Variants in NPAS3 observed in about 807,000 individuals in gnomAD.
The protein encoded by NPAS3 is neuronal PAS domain protein 3, also known as neuronal PAS domain-containing protein 3.
In NPAS3, 14 loss-of-function variants were observed where a neutral mutation model predicts 73.1. That is an observed-to-expected ratio of 0.19 (90% CI 0.13 to 0.30). The LOEUF is 0.30. NPAS3 is among the 10% of genes least tolerant of loss of function. The pLI, the probability that NPAS3 is intolerant of heterozygous loss-of-function variation, is 1.00. For missense variants in NPAS3, 1,096 were observed against 1,250.0 expected, an observed-to-expected ratio of 0.88 and a Z score of 1.86; for synonymous variants, 620 against 541.5, an observed-to-expected ratio of 1.14 and a Z score of -2.01.
intron 5 of NPAS3, among the ~76,000 whole-genome samples, chr14:33,604,666 G>A (rs148604497): frequency 5.3e-4 from 80 of 152,128 alleles, no homozygotes; most frequent in African/African-American, 1.9e-3. Flanking sequence ...CTTCTCAAGT[G>A]CACATAAAAC....
At chr14:33,323,029 A>G (rs2043526862) in intron 3 of NPAS3, among the ~76,000 whole-genome samples, 1 of 152,186 alleles carries the variant, frequency 6.6e-6, no homozygotes, top group Non-Finnish European at 1.5e-5. Flanking sequence ...TCTCTCTACT[A>G]AGACATAGCT....
In NPAS3 at chr14:33,533,380, A is replaced by C. The variant is rs184910075; in HGVS notation, c.469-26741A>C. The stretch of plus-strand genomic sequence containing the variant: ...TGTCACCAAAGAAATAGAAATGACC[A>C]AACAATACATGAAAAGACTTTAAAT... On this transcript the variant is annotated intron_variant, in intron 4 of 11. Transcript: ENST00000356141. Among the ~76,000 whole-genome samples the C allele has an allele frequency of 3.3e-5, 5 of 152,316 alleles. No individual in the cohort carries two copies. In the East Asian group the frequency reaches 9.6e-4, roughly 29 times the overall value.
At chr14:33,029,434 T>C (rs991092237) in intron 1 of NPAS3, among the ~76,000 whole-genome samples, 6 of 152,072 alleles carry the variant, frequency 3.9e-5, no homozygotes, top group Non-Finnish European at 8.8e-5. Context: ...GTAGCATAGG[T>C]TTCAGTTTCT....
chr14:33,556,561 ATAAG>A (rs1391373659), intron 4 of NPAS3, among the ~76,000 whole-genome samples: 1 of 152,250 alleles, frequency 6.6e-6, no homozygotes, highest in East Asian at 1.9e-4. Context: ...AGAAAGATAA[ATAAG>A]GCATTGCCTC....
In NPAS3 at chr14:32,966,686, C is replaced by G. The variant is rs1192631244; in HGVS notation, c.50+27320C>G. On this transcript the variant is annotated intron_variant, in intron 1 of 11. Transcript: ENST00000356141. ...TGGGGAGGCTGAGGCAGGAGAATGGCGTGAACCCGGGAAGCGGAGCTTGCA... is the reference window on the plus strand; with the variant it reads ...TGGGGAGGCTGAGGCAGGAGAATGGGGTGAACCCGGGAAGCGGAGCTTGCA... Among the ~76,000 whole-genome samples the G allele has an allele frequency of 4.3e-4, 36 of 83,432 alleles. 6 individuals carry two copies. Among genetic ancestry groups the G allele is most frequent in the Middle Eastern group, 5.9e-3 (1 of 170 alleles). The allele number at this position is 83,432 out of a possible 152,430, so 54.7% of individuals were successfully genotyped here.
At chr14:33,007,132 T>A (rs2039027748) in intron 1 of NPAS3, among the ~76,000 whole-genome samples, 1 of 152,198 alleles carries the variant, frequency 6.6e-6, no homozygotes, top group African/African-American at 2.4e-5. Context: ...AAGTGTTAAT[T>A]TAAATAAATG....
At chr14:33,279,683 T>G (rs2041504223) in intron 3 of NPAS3, among the ~76,000 whole-genome samples, 1 of 152,144 alleles carries the variant, frequency 6.6e-6, no homozygotes, top group South Asian at 2.1e-4. Context: ...GAGAGCTTTT[T>G]AGCATAACTC....
intron 7 of NPAS3, among the ~76,000 whole-genome samples, chr14:33,773,446 T>C (rs1293527155): frequency 6.6e-6 from 1 of 152,170 alleles, no homozygotes; most frequent in African/African-American, 2.4e-5. Context: ...TTCTGCAACC[T>C]AAGGCATAGT....
intron 3 of NPAS3, among the ~76,000 whole-genome samples, chr14:33,253,178 G>GT (rs1566726819): frequency 6.6e-6 from 1 of 152,012 alleles, no homozygotes; most frequent in Non-Finnish European, 1.5e-5. Context: ...TCTGTTTTCA[G>GT]TTTTTTTGAG....
At chr14:33,771,074 A>G (rs1255781672) in intron 7 of NPAS3, among the ~76,000 whole-genome samples, 5 of 152,204 alleles carry the variant, frequency 3.3e-5, no homozygotes, top group African/African-American at 7.2e-5. Context: ...CCATCTTGAC[A>G]ATATTCTTTT....
intron 1 of NPAS3, among the ~76,000 whole-genome samples, chr14:33,038,706 G>A (rs1218103687): frequency 6.6e-6 from 1 of 152,102 alleles, no homozygotes; most frequent in African/African-American, 2.4e-5. Context: ...AGAGAACAAG[G>A]CTGCTGTGTT....
chr14:33,192,909 T>C (rs780030815), intron 2 of NPAS3, among the ~76,000 whole-genome samples: 18 of 152,228 alleles, frequency 1.2e-4, no homozygotes, highest in Non-Finnish European at 2.4e-4. Flanking sequence ...TTCTGTGTTT[T>C]ACATTTTAGC....
rs1321374210 is a variant in NPAS3, at chr14:33,028,157, CTT to C, written c.51-27746_51-27745del. On this transcript the variant is annotated intron_variant, in intron 1 of 11. Coordinates refer to ENST00000356141, the Ensembl canonical transcript of NPAS3. ...GTAGTGAATCTTAGTTACTCTCTGA[CTT>C]TGGAACACTTGGTCTTTGCCTCCAC... Among the ~76,000 whole-genome samples the C allele has an allele frequency of 5.9e-5, 9 of 152,284 alleles. No homozygotes were observed. In the East Asian group the frequency reaches 1.7e-3, roughly 29 times the overall value.
intron 2 of NPAS3, among the ~76,000 whole-genome samples, chr14:33,149,084 A>T (rs1183199410): frequency 2.0e-5 from 3 of 152,222 alleles, no homozygotes; most frequent in Non-Finnish European, 4.4e-5. Context: ...TAGTTCTGAC[A>T]CAGTATATAA....
At chr14:33,147,715 TA>T (rs1468731598) in intron 2 of NPAS3, among the ~76,000 whole-genome samples, 2 of 94,898 alleles carry the variant, frequency 2.1e-5, no homozygotes, top group African/African-American at 1.1e-4. Flanking sequence ...CCCTAGAACT[TA>T]AAGTAGAATA....
chr14:33,521,996 G>A (rs1048509951), intron 4 of NPAS3, among the ~76,000 whole-genome samples: 5 of 152,088 alleles, frequency 3.3e-5, no homozygotes, highest in Admixed American at 3.3e-4. Flanking sequence ...GCCTCTTGCT[G>A]CATTTCTGGA....
intron 6 of NPAS3, among the ~76,000 whole-genome samples, chr14:33,699,482 G>A (rs2060472198): frequency 6.6e-6 from 1 of 152,130 alleles, no homozygotes; most frequent in Admixed American, 6.5e-5. Context: ...CTCCAGCCTT[G>A]AAGACAGAAA....
chr14:33,057,843 A>G (rs138639467), intron 2 of NPAS3, among the ~76,000 whole-genome samples: 1 of 152,182 alleles, frequency 6.6e-6, no homozygotes, highest in African/African-American at 2.4e-5. Flanking sequence ...GAGATGATTA[A>G]TGGTGTTGTG....
At chr14:33,259,622 C>A (rs1002468388) in intron 3 of NPAS3, among the ~76,000 whole-genome samples, 26 of 152,014 alleles carry the variant, frequency 1.7e-4, no homozygotes, top group Admixed American at 1.2e-3. Context: ...GAGGGGGAGA[C>A]ATATTGTAAG....
Sources: allele counts gnomAD v4.1 joint callset (sites outside exome capture counted in the v4.1 genomes callset), GRCh38; gene constraint gnomAD v4.1.1; transcripts MANE v1.5; gene names NCBI Gene and HGNC (gene_info 2026-07-23, HGNC 2026-07-21).